RCAN2: variants seen among roughly 807,000 people sequenced by gnomAD.
RCAN2 encodes the protein regulator of calcineurin 2, also known as calcipressin-2.
A neutral mutation model predicts 23.6 loss-of-function variants in RCAN2; 9 were observed. The ratio of observed to expected loss-of-function variants is 0.38; its 90% CI spans 0.23 to 0.67. The LOEUF is 0.67. Ranked by LOEUF, RCAN2 falls within the 30% of genes least tolerant of loss-of-function variation. RCAN2 has a pLI of 0.51. For synonymous variants in RCAN2, 109 were observed against 115.7 expected, an observed-to-expected ratio of 0.94 and a Z score of 0.37; for missense variants, 273 against 302.3, an observed-to-expected ratio of 0.90 and a Z score of 0.72.
intron 2 of RCAN2, among the ~76,000 whole-genome samples, chr6:46,411,006 TAACA>T (rs1766536454): frequency 6.6e-6 from 1 of 152,190 alleles, no homozygotes; most frequent in South Asian, 2.1e-4. Flanking sequence ...ATGTGACCCT[TAACA>T]AACACTTAGC....
chr6:46,399,188 T>C (rs1042901520), intron 2 of RCAN2, among the ~76,000 whole-genome samples: 2 of 151,980 alleles, frequency 1.3e-5, no homozygotes, highest in Non-Finnish European at 2.9e-5. Flanking sequence ...TTGATGCAGC[T>C]AGTAACAAAA....
intron 2 of RCAN2, among the ~76,000 whole-genome samples, chr6:46,276,606 T>G (rs2150336254): frequency 6.6e-6 from 1 of 152,312 alleles, no homozygotes. Flanking sequence ...ACACAGTCTT[T>G]CCCACAAAAT....
At chr6:46,381,814 T>A (rs948200270) in intron 2 of RCAN2, among the ~76,000 whole-genome samples, 1 of 152,120 alleles carries the variant, frequency 6.6e-6, no homozygotes, top group Non-Finnish European at 1.5e-5. Context: ...TTTGGCATTT[T>A]AAAAAATCTT....
chr6:46,313,555 G>A (rs928874078), intron 2 of RCAN2, among the ~76,000 whole-genome samples: 4 of 152,168 alleles, frequency 2.6e-5, no homozygotes, highest in Non-Finnish European at 5.9e-5. Flanking sequence ...GAAATATCCT[G>A]AACTCAGGTC....
chr6:46,396,546 C>T (rs13340438), intron 2 of RCAN2, among the ~76,000 whole-genome samples: 7,595 of 152,236 alleles, frequency 0.05, 369 homozygotes, highest in South Asian at 0.13. Flanking sequence ...TTGATACCTG[C>T]TCCTTTTGAT....
rs148545716 is a variant in RCAN2 at position 46,320,941 on chromosome 6, GT to G, written c.226-72046del. ...CTTGAGACAGTGACCGTCTCAATGGGTACCTAAATGAATGAATGATTGAAAC... is the reference window on the plus strand; with the variant it reads ...CTTGAGACAGTGACCGTCTCAATGGGACCTAAATGAATGAATGATTGAAAC... On this transcript the variant is annotated intron_variant, in intron 2 of 4. Coordinates refer to ENST00000371374, the MANE Select transcript of RCAN2 (RefSeq NM_001251974.2). Among the ~76,000 whole-genome samples the G allele has an allele frequency of 3.2e-3, 483 of 152,238 alleles. 4 individuals carry two copies. The highest frequency in any genetic ancestry group is 0.01 in the African/African-American group (424 of 41,536).
intron 2 of RCAN2, among the ~76,000 whole-genome samples, chr6:46,277,420 G>A (rs2150336718): frequency 6.6e-6 from 1 of 152,286 alleles, no homozygotes; most frequent in East Asian, 1.9e-4. Context: ...AGAAGGTGTT[G>A]ATAATTATGG....
At chr6:46,457,919 GT>G (rs2150433486) in intron 1 of RCAN2, among the ~76,000 whole-genome samples, 1 of 152,094 alleles carries the variant, frequency 6.6e-6, no homozygotes, top group South Asian at 2.1e-4. Context: ...TTTGATACTG[GT>G]ACATAATTTA....
At chr6:46,381,732 C>T (rs1765620195) in intron 2 of RCAN2, among the ~76,000 whole-genome samples, 1 of 152,174 alleles carries the variant, frequency 6.6e-6, no homozygotes, top group Non-Finnish European at 1.5e-5. Flanking sequence ...TAGCTGAGGT[C>T]ACGGCATCCT....
At chr6:46,478,976 G>T (rs1177463566) in intron 1 of RCAN2, among the ~76,000 whole-genome samples, 1 of 152,198 alleles carries the variant, frequency 6.6e-6, no homozygotes, top group Non-Finnish European at 1.5e-5. Flanking sequence ...GGACGACAAA[G>T]AATCTACAAG....
intron 2 of RCAN2, among the ~76,000 whole-genome samples, chr6:46,280,479 A>C (rs1278369980): frequency 6.7e-6 from 1 of 150,192 alleles, no homozygotes; most frequent in African/African-American, 2.4e-5. Flanking sequence ...TTAGAAGACC[A>C]CACACACACA....
At chr6:46,263,538 T>TGTGTGC in intron 2 of RCAN2, among the ~76,000 whole-genome samples, 1 of 54,128 alleles carries the variant, frequency 1.8e-5, no homozygotes, top group Non-Finnish European at 4.0e-5. Flanking sequence ...TGTGTGTGTG[T>TGTGTGC]ATGTGTGTGT....
chr6:46,449,982 A>G (rs932205826), intron 2 of RCAN2, among the ~76,000 whole-genome samples: 2 of 151,992 alleles, frequency 1.3e-5, no homozygotes, highest in Non-Finnish European at 2.9e-5. Context: ...ATTAAACTAA[A>G]AGGTTTTTGC....
chr6:46,225,782 T>C (rs533148937), intron 4 of RCAN2, among the ~76,000 whole-genome samples: 19 of 152,342 alleles, frequency 1.2e-4, no homozygotes, highest in African/African-American at 4.3e-4. Context: ...AGAAGCTCTT[T>C]AGTTTAATTA....
At chr6:46,357,755 C>G (rs1038801666) in intron 2 of RCAN2, among the ~76,000 whole-genome samples, 1 of 152,160 alleles carries the variant, frequency 6.6e-6, no homozygotes, top group Non-Finnish European at 1.5e-5. Context: ...TTCATAATAA[C>G]TTATTAACTA....
chr6:46,264,398 A>G (rs952008954), intron 2 of RCAN2, among the ~76,000 whole-genome samples: 119 of 152,226 alleles, frequency 7.8e-4, no homozygotes, highest in Non-Finnish European at 2.2e-4. Flanking sequence ...TAAGATGCAG[A>G]TATAAGGAAC....
intron 4 of RCAN2, among the ~76,000 whole-genome samples, chr6:46,235,229 C>A (rs77719403): frequency 6.6e-6 from 1 of 152,088 alleles, no homozygotes; most frequent in Admixed American, 6.6e-5. Context: ...TATTTAGATT[C>A]CTAATAAGAA....
At chr6:46,330,555 G>A (rs895391692) in intron 2 of RCAN2, among the ~76,000 whole-genome samples, 8 of 152,154 alleles carry the variant, frequency 5.3e-5, no homozygotes, top group South Asian at 2.1e-4. Context: ...ATCACCAAAC[G>A]TCCTGCCAGG....
chr6:46,367,054 T>TATATATATATA (rs1765196406), intron 2 of RCAN2, among the ~76,000 whole-genome samples: 1 of 127,178 alleles, frequency 7.9e-6, no homozygotes, highest in Non-Finnish European at 1.7e-5. Context: ...TATATATATA[T>TATATATATATA]CCTAGCTGAT....
Sources: allele counts gnomAD v4.1 joint callset (sites outside exome capture counted in the v4.1 genomes callset), GRCh38; gene constraint gnomAD v4.1.1; transcripts MANE v1.5; gene names NCBI Gene and HGNC (gene_info 2026-07-23, HGNC 2026-07-21).